ANAPC4: variants seen among roughly 807,000 people sequenced by gnomAD.
ANAPC4 encodes anaphase-promoting complex subunit 4.
Under a neutral mutation model 119.8 loss-of-function variants are expected in ANAPC4, and 63 were observed. The observed-to-expected ratio is 0.53, with a 90% CI of 0.43 to 0.65. ANAPC4 has a LOEUF of 0.65. ANAPC4 is among the 30% of genes least tolerant of loss of function. ANAPC4 has a pLI of 0.00. For synonymous variants in ANAPC4, 283 were observed against 318.6 expected (o/e 0.89, Z 1.19); for missense variants, 716 against 945.1 (o/e 0.76, Z 3.18).
chr4:25,389,803 A>G (rs1722243695), intron 7 of ANAPC4, among the ~76,000 whole-genome samples: 1 of 152,220 alleles, frequency 6.6e-6, no homozygotes, highest in Non-Finnish European at 1.5e-5. Flanking sequence ...CATCATAACC[A>G]TGATAAAACT....
At chr4:25,382,419 G>A (rs1721784240) in intron 3 of ANAPC4, among the ~76,000 whole-genome samples, 1 of 152,188 alleles carries the variant, frequency 6.6e-6, no homozygotes, top group Non-Finnish European at 1.5e-5. Flanking sequence ...TGTAGAATAT[G>A]TGTAAGATTA....
chr4:25,416,501 G>A lies in ANAPC4; in HGVS notation c.1978G>A (p.Glu660Lys), dbSNP rs1263904236. 7 of 1,608,006 alleles carry A rather than the reference G, an allele frequency of 4.4e-6. No homozygotes were observed. The highest frequency in any genetic ancestry group is 5.1e-6 in the Non-Finnish European group (6 of 1,175,666). The change falls in exon 27 of 29, where the codon GAA becomes AAA. Residue 660 changes from glutamate to lysine, a missense_variant. Glu to Lys is a moderately conservative substitution (Grantham distance 56). Coordinates refer to ENST00000315368, the MANE Select transcript of ANAPC4 (RefSeq NM_013367.3). ...AGTTCTTAAAGACACTGTAGGACGT[G>A]AAGGAAGAGATAGACTCTTGGTCCA... Reference protein sequence around the residue: ...TVVLKDTVGREGRDRLLVQLP... With the variant: ...TVVLKDTVGRKGRDRLLVQLP...
intron 14 of ANAPC4, 86 bp downstream of exon 14, chr4:25,394,991 C>A: frequency 9.4e-7 from 1 of 1,062,834 alleles, no homozygotes; most frequent in Non-Finnish European, 1.4e-6. Context: ...CTTCATCTGG[C>A]ATTCTCTTTT....
intron 2 of ANAPC4, 38 bp from the exon 3 acceptor site, chr4:25,380,336 A>G (rs1249851842): frequency 8.5e-6 from 13 of 1,520,682 alleles, no homozygotes; most frequent in Non-Finnish European, 1.2e-5. Context: ...TTGGAAATGA[A>G]TTTTTAATTT....
chr4:25,383,347 G>T lies in ANAPC4; in HGVS notation c.322G>T (p.Ala108Ser). ...GAGCTTACACTCTTTTTCTGTGGAG[G>T]CTCCAGTTTCCTGTATGCATTGGAT... Reference protein sequence around the residue: ...PESLHSFSVEAPVSCMHWMEV... With the variant: ...PESLHSFSVESPVSCMHWMEV... The change falls in exon 4 of 29, where the codon GCT (alanine) becomes TCT (serine). Residue 108 changes from alanine (A) to serine (S), a missense_variant. Physicochemically the swap from Ala to Ser is moderately conservative, Grantham distance 99. This residue lies in a region of ANAPC4 where 202 missense variants were observed against 293.5 expected (regional missense o/e 0.69). Coordinates refer to ENST00000315368, the MANE Select transcript of ANAPC4 (RefSeq NM_013367.3). 2 of 1,613,198 alleles carry T rather than the reference G, an allele frequency of 1.2e-6. No homozygotes were observed. The highest frequency in any genetic ancestry group is 1.7e-6 in the Non-Finnish European group (2 of 1,179,660).
At chr4:25,403,052 T>C (rs763701705) in intron 17 of ANAPC4, 26 bp downstream of exon 17, 82 of 1,564,034 alleles carry the variant, frequency 5.2e-5, no homozygotes, top group Non-Finnish European at 6.8e-5. Flanking sequence ...GAAGCATTTT[T>C]ATTTTAACAC....
intron 16 of ANAPC4, among the ~76,000 whole-genome samples, chr4:25,401,141 G>T (rs1266501539): frequency 6.6e-6 from 1 of 152,154 alleles, no homozygotes; most frequent in Non-Finnish European, 1.5e-5. Flanking sequence ...ATATTAATTA[G>T]ATTGCTGTTC....
chr4:25,407,070 T>C, intron 19 of ANAPC4, 127 bp from the exon 20 acceptor site: 3 of 932,480 alleles, frequency 3.2e-6, no homozygotes, highest in East Asian at 2.6e-5. Flanking sequence ...GTGTGTCTTA[T>C]AATCTATAAA....
chr4:25,379,254 G>GT (rs1396607045), intron 2 of ANAPC4, among the ~76,000 whole-genome samples: 1 of 152,126 alleles, frequency 6.6e-6, no homozygotes, highest in African/African-American at 2.4e-5. Flanking sequence ...GAAAAGCCAG[G>GT]ACATCATAGC....
At chr4:25,406,732 A>G (rs1723270279) in intron 18 of ANAPC4, 97 bp from the exon 19 acceptor site, 1 of 896,250 alleles carries the variant, frequency 1.1e-6, no homozygotes, top group East Asian at 2.7e-5. Flanking sequence ...GGCTTTTAGT[A>G]GATAGTAAAA....
At chr4:25,393,683 A>T (rs1447525518) in intron 10 of ANAPC4, 122 bp from the exon 11 acceptor site, 1 of 559,460 alleles carries the variant, frequency 1.8e-6, no homozygotes, top group Non-Finnish European at 3.1e-6. Context: ...AATAAAAATA[A>T]AACAGTGATT....
intron 16 of ANAPC4, among the ~76,000 whole-genome samples, chr4:25,402,340 A>G (rs1375116454): frequency 6.6e-6 from 1 of 152,180 alleles, no homozygotes; most frequent in African/African-American, 2.4e-5. Context: ...GCTTAAAGAG[A>G]TTGTTTAAAA....
chr4:25,384,260 A>T (rs550678509), intron 4 of ANAPC4, among the ~76,000 whole-genome samples: 1 of 152,266 alleles, frequency 6.6e-6, no homozygotes, highest in East Asian at 1.9e-4. Context: ...TCTACTTCTA[A>T]TTCTAGTTCT....
chr4:25,410,326 T>C (rs1051238268), intron 21 of ANAPC4, among the ~76,000 whole-genome samples: 2 of 152,198 alleles, frequency 1.3e-5, no homozygotes, highest in African/African-American at 4.8e-5. Context: ...CCATTTTAGA[T>C]GAAAATATTT....
intron 22 of ANAPC4, 65 bp downstream of exon 22, chr4:25,413,807 T>TA: frequency 4.1e-6 from 5 of 1,211,524 alleles, no homozygotes; most frequent in Non-Finnish European, 5.9e-6. Context: ...GTGGCTCACT[T>TA]ATGTAAATGA....
intron 3 of ANAPC4, 41 bp downstream of exon 3, chr4:25,380,520 CAA>C: frequency 6.9e-7 from 1 of 1,457,202 alleles, no homozygotes. Context: ...TTTATTTTCA[CAA>C]AGAGTATTCT....
intron 4 of ANAPC4, among the ~76,000 whole-genome samples, chr4:25,387,496 T>C (rs982071306): frequency 6.6e-6 from 1 of 152,214 alleles, no homozygotes; most frequent in South Asian, 2.1e-4. Flanking sequence ...CAAATCGTTA[T>C]GTGAATATGT....
At chr4:25,396,174 A>C (rs1340904956) in intron 14 of ANAPC4, among the ~76,000 whole-genome samples, 1 of 152,078 alleles carries the variant, frequency 6.6e-6, no homozygotes, top group Non-Finnish European at 1.5e-5. Flanking sequence ...CCTGCACCCC[A>C]TGTGTTTCCT....
intron 16 of ANAPC4, among the ~76,000 whole-genome samples, chr4:25,397,683 G>A (rs954745675): frequency 6.6e-6 from 1 of 151,412 alleles, no homozygotes; most frequent in Admixed American, 6.6e-5. Context: ...AGTTCCATAG[G>A]ATTCTGTGCT....
Sources: gnomAD v4.1 joint callset for allele counts (sites outside exome capture counted in the v4.1 genomes callset) on GRCh38, gnomAD v4.1.1 for gene constraint, gnomAD v4.1.1 regional missense constraint, MANE v1.5 for transcripts, NCBI Gene and HGNC (gene_info 2026-07-23, HGNC 2026-07-21) for gene names.